Variants in TTC28 observed in about 807,000 individuals in gnomAD.
TTC28 encodes the protein tetratricopeptide repeat protein 28.
Under a neutral mutation model 198.0 loss-of-function variants are expected in TTC28, and 61 were observed. The ratio of observed to expected loss-of-function variants is 0.31; its 90% confidence interval spans 0.25 to 0.38. TTC28 has a LOEUF of 0.38. TTC28 is among the 10% of genes least tolerant of loss of function. The pLI is 1.00. For missense variants in TTC28, 2,678 were observed against 3,164.0 expected (o/e 0.85, Z 3.69); for synonymous variants, 1,171 against 1,297.8 (o/e 0.90, Z 2.10).
At chr22:28,190,038 T>G (rs1218217814) in intron 5 of TTC28, among the ~76,000 whole-genome samples, 1 of 152,158 alleles carries the variant, frequency 6.6e-6, no homozygotes. Context: ...GTATTGTTAT[T>G]CCCCATTTTA....
At chr22:28,673,389 G>A (rs1483420513) in intron 1 of TTC28, among the ~76,000 whole-genome samples, 2 of 151,976 alleles carry the variant, frequency 1.3e-5, no homozygotes, top group Non-Finnish European at 2.9e-5. Flanking sequence ...AGTTAACTGC[G>A]AATGTTAAAT....
At chr22:28,063,925 T>C (rs944225624) in intron 12 of TTC28, among the ~76,000 whole-genome samples, 1 of 152,072 alleles carries the variant, frequency 6.6e-6, no homozygotes, top group African/African-American at 2.4e-5. Flanking sequence ...AAGAAATTAG[T>C]CAATGAAGGT....
chr22:28,222,486 T>G (rs1197023473), intron 5 of TTC28, among the ~76,000 whole-genome samples: 2 of 152,214 alleles, frequency 1.3e-5, no homozygotes, highest in Non-Finnish European at 2.9e-5. Context: ...CTCTTTAAAA[T>G]TCATTCTGCA....
At chr22:28,640,309 TA>T (rs2051342792) in intron 1 of TTC28, among the ~76,000 whole-genome samples, 1 of 51,924 alleles carries the variant, frequency 1.9e-5, no homozygotes, top group South Asian at 7.1e-4. Flanking sequence ...AGAAAAAAAG[TA>T]AAGGGGGGGG....
chr22:28,002,075 G>A lies in TTC28; in HGVS notation c.4219-522C>T, dbSNP rs111621682. On this transcript the variant is annotated intron_variant, in intron 14 of 22. Coordinates refer to ENST00000397906, the MANE Select transcript of TTC28 (RefSeq NM_001145418.2). The stretch of plus-strand genomic sequence containing the variant: ...CTTGGCTCTGGGCTTGGGAGGTGCC[G>A]TCCCCACTTGTTCCCTCTGGGGATG... 1.1e-3 allele frequency: 181 copies of A among 158,108 alleles called. 1 individual carries two copies. The highest frequency in any genetic ancestry group is 3.4e-3 in the African/African-American group (142 of 41,670). 9.8% of individuals were successfully genotyped at this position (158,108 alleles called of 1,614,324 possible).
chr22:28,380,434 T>A (rs1255765839), intron 2 of TTC28, among the ~76,000 whole-genome samples: 1 of 151,988 alleles, frequency 6.6e-6, no homozygotes, highest in African/African-American at 2.4e-5. Flanking sequence ...GTGAAACAAA[T>A]CCCAAAATAA....
intron 2 of TTC28, among the ~76,000 whole-genome samples, chr22:28,396,744 A>G (rs973061332): frequency 1.3e-5 from 2 of 152,240 alleles, no homozygotes; most frequent in African/African-American, 2.4e-5. Context: ...AGAGTCTCCA[A>G]TAGAGACACT....
rs527984069 is a variant in TTC28, at chr22:28,403,766, T to C, written c.382-97123A>G. 2.6e-5 allele frequency among the ~76,000 whole-genome samples: 4 copies of C among 152,330 alleles called. No individual in the cohort carries two copies. In the South Asian group the frequency reaches 6.2e-4, roughly 24 times the overall value. On this transcript the variant is annotated intron_variant, in intron 2 of 22. Transcript: ENST00000397906. ...GGTGTGAGAGGCTATAGGAGAGTAT[T>C]AGACAGGTTTTACTCGGTTTCTTGC...
chr22:28,532,888 G>C (rs1268547256), intron 2 of TTC28, among the ~76,000 whole-genome samples: 1 of 152,112 alleles, frequency 6.6e-6, no homozygotes, highest in African/African-American at 2.4e-5. Context: ...CAATAAACTA[G>C]GTATTGATGG....
chr22:28,184,019 T>C (rs1923954767), intron 5 of TTC28, among the ~76,000 whole-genome samples: 1 of 152,158 alleles, frequency 6.6e-6, no homozygotes, highest in African/African-American at 2.4e-5. Flanking sequence ...AACCATAAGG[T>C]AATACAGTGA....
At chr22:28,067,034 C>T (rs1940782593) in intron 12 of TTC28, among the ~76,000 whole-genome samples, 1 of 152,214 alleles carries the variant, frequency 6.6e-6, no homozygotes, top group South Asian at 2.1e-4. Flanking sequence ...CCCCTTCCAC[C>T]TCTGTGTGCC....
At chr22:28,086,708 A>T (rs1274580319) in intron 12 of TTC28, among the ~76,000 whole-genome samples, 2 of 152,196 alleles carry the variant, frequency 1.3e-5, no homozygotes, top group Non-Finnish European at 2.9e-5. Context: ...CCCTTCAAAA[A>T]ATTAATGAAT....
At chr22:28,083,513 T>G (rs540331895) in intron 12 of TTC28, among the ~76,000 whole-genome samples, 1 of 152,216 alleles carries the variant, frequency 6.6e-6, no homozygotes, top group Non-Finnish European at 1.5e-5. Context: ...TTAAAAGTAC[T>G]ATATGCGAAT....
intron 1 of TTC28, among the ~76,000 whole-genome samples, chr22:28,639,463 T>C (rs1011004828): frequency 6.6e-6 from 1 of 152,198 alleles, no homozygotes; most frequent in Admixed American, 6.5e-5. Context: ...AGGCATATGT[T>C]AGTTGTGTAC....
chr22:28,042,531 T>C (rs927839045), intron 12 of TTC28, among the ~76,000 whole-genome samples: 1 of 151,630 alleles, frequency 6.6e-6, no homozygotes, highest in Non-Finnish European at 1.5e-5. Context: ...AGTTGAATAA[T>C]GAGAACACAT....
At chr22:28,238,103 C>T (rs1306326475) in intron 5 of TTC28, among the ~76,000 whole-genome samples, 3 of 152,026 alleles carry the variant, frequency 2.0e-5, no homozygotes, top group South Asian at 2.1e-4. Flanking sequence ...TTTTACTGCA[C>T]GAATGGGGTT....
Position 28,431,908 on chromosome 22 carries a change from G to A in TTC28, c.382-125265C>T, listed in dbSNP as rs2047435302. Among the ~76,000 whole-genome samples the A allele has an allele frequency of 2.6e-5, 4 of 151,898 alleles. No homozygotes were observed. In the South Asian group the frequency reaches 8.3e-4, roughly 31 times the overall value. ...CAGGAGAATCACTTGAACCCAGGAG[G>A]AGGAGGTTGTAGTGAGCCAAGATCA... On this transcript the variant is annotated intron_variant, in intron 2 of 22. Coordinates refer to ENST00000397906, the MANE Select transcript of TTC28 (RefSeq NM_001145418.2).
chr22:28,615,611 A>G (rs1452576111), intron 2 of TTC28, among the ~76,000 whole-genome samples: 1 of 152,212 alleles, frequency 6.6e-6, no homozygotes, highest in Admixed American at 6.5e-5. Context: ...AATACTACAC[A>G]GCCATAAAAA....
At chr22:28,215,117 C>A (rs1927279262) in intron 5 of TTC28, among the ~76,000 whole-genome samples, 2 of 152,062 alleles carry the variant, frequency 1.3e-5, no homozygotes, top group African/African-American at 4.8e-5. Context: ...GAACATCACA[C>A]ACCGGGGCCT....
Sources: allele counts gnomAD v4.1 joint callset (sites outside exome capture counted in the v4.1 genomes callset), GRCh38; gene constraint gnomAD v4.1.1; transcripts MANE v1.5; gene names NCBI Gene and HGNC (gene_info 2026-07-23, HGNC 2026-07-21).